PSMF1: variants seen among roughly 807,000 people sequenced by gnomAD.
PSMF1 encodes the protein proteasome inhibitor PI31 subunit.
PSMF1 carries 30 observed loss-of-function variants against 29.3 expected under a neutral mutation model. That is an observed-to-expected ratio of 1.02 (90% CI 0.77 to 1.39). The LOEUF is 1.39. PSMF1 is among the 40% of genes most tolerant of loss of function. The pLI, the probability that PSMF1 is intolerant of heterozygous loss-of-function variation, is 0.00. For synonymous variants in PSMF1, 134 were observed against 139.7 expected, an observed-to-expected ratio of 0.96 and a Z score of 0.29; for missense variants, 344 against 357.5, an observed-to-expected ratio of 0.96 and a Z score of 0.31.
intron 4 of PSMF1, chr20:1,161,199 C>T (rs975024735): frequency 2.5e-5 from 8 of 323,990 alleles, no homozygotes; most frequent in Non-Finnish European, 4.9e-5. Flanking sequence ...GGAGATCATG[C>T]GTGACATCAA....
In PSMF1 at chr20:1,166,266, C is replaced by G. The variant is rs1224508347; in HGVS notation, c.*1186C>G. ...GACGCGGGCAGTGATGAGCCCTGTTCTGGAGTGGAAAGAGCACGATAGAGC... is the reference window on the plus strand; with the variant it reads ...GACGCGGGCAGTGATGAGCCCTGTTGTGGAGTGGAAAGAGCACGATAGAGC... On this transcript the variant is annotated 3_prime_UTR_variant, in exon 7 of 7. Transcript: ENST00000335877. 1.2e-6 allele frequency: 2 copies of G among 1,611,862 alleles called. No individual in the cohort carries two copies.
chr20:1,163,226 G>C lies in PSMF1; in HGVS notation c.605+43G>C, dbSNP rs202107404. ...GGTGGCAGCAACACAACTTGCTTTT[G>C]TGGCTTTTCAGCCCCAGCTCATCTT... On this transcript the variant is annotated intron_variant, in intron 5 of 6. Coordinates refer to ENST00000335877, the MANE Select transcript of PSMF1 (RefSeq NM_006814.5). The surrounding 1 kb of genome is among the most constrained non-coding windows in gnomAD (Gnocchi z 6.1). 68 of 1,602,028 alleles carry C rather than the reference G, an allele frequency of 4.2e-5. No individual in the cohort carries two copies. The highest frequency in any genetic ancestry group is 5.7e-5 in the Non-Finnish European group (67 of 1,169,598).
intron 1 of PSMF1, among the ~76,000 whole-genome samples, chr20:1,122,373 C>T (rs1344847797): frequency 6.7e-6 from 1 of 149,466 alleles, no homozygotes; most frequent in African/African-American, 2.5e-5. Flanking sequence ...TATCTTGGCT[C>T]ACTGTAACCT....
intron 1 of PSMF1, among the ~76,000 whole-genome samples, chr20:1,119,177 G>A (rs747969948): frequency 7.9e-5 from 12 of 152,196 alleles, no homozygotes; most frequent in Non-Finnish European, 1.8e-4. Context: ...GGCCAGGACT[G>A]TGTGGATCTA....
At chr20:1,114,434 A>G (rs1223315934), upstream of PSMF1, among the ~76,000 whole-genome samples, 1 of 152,272 alleles carries the variant, frequency 6.6e-6, no homozygotes, top group East Asian at 1.9e-4. Context: ...GACAGGGATG[A>G]TGGTGTAGAA....
intron 4 of PSMF1, among the ~76,000 whole-genome samples, chr20:1,153,663 C>T (rs1328898237): frequency 2.6e-5 from 4 of 152,186 alleles, no homozygotes; most frequent in South Asian, 2.1e-4. Flanking sequence ...ACAATCTGTT[C>T]TCTGACCTCT....
upstream of PSMF1, among the ~76,000 whole-genome samples, chr20:1,116,777 G>GAA (rs547508822): frequency 6.9e-6 from 1 of 145,534 alleles, no homozygotes. Flanking sequence ...TGCTTTGCAG[G>GAA]AAAAAAAAAA....
chr20:1,148,655 T>C (rs2086487106), intron 4 of PSMF1, among the ~76,000 whole-genome samples: 2 of 152,246 alleles, frequency 1.3e-5, no homozygotes, highest in African/African-American at 4.8e-5. Context: ...GTATCTGATA[T>C]TTCATTTTGC....
intron 4 of PSMF1, among the ~76,000 whole-genome samples, chr20:1,146,951 A>G (rs2317432): frequency 0.99 from 150,993 of 152,314 alleles, 74,845 homozygotes; most frequent in Middle Eastern, 1. Flanking sequence ...ATGAGAACAA[A>G]TGTGAAGGTG....
At position 1,164,495 on chromosome 20, in the gene PSMF1, A is replaced by G. The variant is rs2086705136; in HGVS notation, c.764+19A>G. 6.2e-7 allele frequency: 1 copy of G among 1,613,202 alleles called. No homozygotes were observed. Among genetic ancestry groups the G allele is most frequent in the Non-Finnish European group, 8.5e-7 (1 of 1,179,252 alleles). On this transcript the variant is annotated intron_variant, in intron 6 of 6. Transcript: ENST00000335877. This position sits in a 1 kb window ranked among gnomAD's most constrained non-coding sequence, Gnocchi z 4.1. ...CACCCGGGTACGTAGTCACTCAGGTATGCTGAGAAGTAGGACCTGATGGCA... is the reference window on the plus strand; with the variant it reads ...CACCCGGGTACGTAGTCACTCAGGTGTGCTGAGAAGTAGGACCTGATGGCA...
chr20:1,157,540 T>C (rs1473777447), intron 4 of PSMF1, among the ~76,000 whole-genome samples: 1 of 152,146 alleles, frequency 6.6e-6, no homozygotes, highest in Non-Finnish European at 1.5e-5. Flanking sequence ...GTAAACCTTA[T>C]GTCACATGAT....
At chr20:1,117,003 T>A (rs140194540), upstream of PSMF1, among the ~76,000 whole-genome samples, 663 of 152,198 alleles carry the variant, frequency 4.4e-3, 5 homozygotes, top group African/African-American at 0.015. Context: ...ACTGCAATAG[T>A]CTAAGTGTGA....
chr20:1,149,663 A>G (rs964117986), intron 4 of PSMF1, among the ~76,000 whole-genome samples: 14 of 152,226 alleles, frequency 9.2e-5, no homozygotes, highest in Non-Finnish European at 1.9e-4. Flanking sequence ...TGAAAAAATG[A>G]CTGCTTCAGC....
rs372193972 is a variant in PSMF1, at chr20:1,144,899, C to CT, written c.551+9602dup. Among the ~76,000 whole-genome samples, 21 of 151,508 alleles carry CT rather than the reference C, an allele frequency of 1.4e-4. No individual in the cohort carries two copies. In the East Asian group the frequency reaches 2.9e-3, roughly 21 times the overall value. On this transcript the variant is annotated intron_variant, in intron 4 of 6. Coordinates refer to ENST00000335877, the MANE Select transcript of PSMF1 (RefSeq NM_006814.5). ...TGCTGTTTTTCCAACCCCCGTGAAT[C>CT]TTTTTTTTTCTTTTTAGACAGAGTC...
In PSMF1 at chr20:1,163,315, G is replaced by T; in HGVS notation, c.605+132G>T. On this transcript the variant is annotated intron_variant, in intron 5 of 6. Transcript: ENST00000335877. The surrounding 1 kb of genome is among the most constrained non-coding windows in gnomAD (Gnocchi z 6.1). The stretch of plus-strand genomic sequence containing the variant: ...TGGAGGAGGCAGTTGTTGCTGAGCA[G>T]CTGAGAAAGCACTGCCACATACGCT... 1 of 1,016,106 alleles carries T rather than the reference G, an allele frequency of 9.8e-7. No individual in the cohort carries two copies. The highest frequency in any genetic ancestry group is 1.5e-5 in the South Asian group (1 of 67,658). 62.9% of individuals were successfully genotyped at this position (1,016,106 alleles called of 1,614,324 possible).
chr20:1,160,924 A>C (rs531450408), intron 4 of PSMF1: 1 of 445,416 alleles, frequency 2.2e-6, no homozygotes, highest in Non-Finnish European at 4.5e-6. Context: ...CCCCAAGGCC[A>C]ACAGAAAGAA....
intron 4 of PSMF1, among the ~76,000 whole-genome samples, chr20:1,154,082 A>G (rs2122578871): frequency 6.6e-6 from 1 of 152,356 alleles, no homozygotes; most frequent in Middle Eastern, 3.4e-3. Context: ...TGTTAATAGT[A>G]AAGACAACTT....
intron 1 of PSMF1, among the ~76,000 whole-genome samples, chr20:1,122,863 A>C (rs1310248120): frequency 6.6e-6 from 1 of 152,218 alleles, no homozygotes; most frequent in Non-Finnish European, 1.5e-5. Context: ...GGTGGTGAGC[A>C]GACCAAATTG....
At chr20:1,138,668 A>T (rs776561810) in intron 4 of PSMF1, among the ~76,000 whole-genome samples, 1 of 152,098 alleles carries the variant, frequency 6.6e-6, no homozygotes, top group Admixed American at 6.5e-5. Flanking sequence ...TACAAAAAAA[A>T]TTAAAAATTA....
Sources: allele counts gnomAD v4.1 joint callset (sites outside exome capture counted in the v4.1 genomes callset), GRCh38; gene constraint gnomAD v4.1.1; non-coding constraint Gnocchi (gnomAD v3.1); transcripts MANE v1.5; gene names NCBI Gene and HGNC (gene_info 2026-07-23, HGNC 2026-07-21).